The following HTT variants were observed in gnomAD, a reference collection of about 807,000 sequenced individuals.
The protein encoded by HTT is huntington disease protein.
Under a neutral mutation model 362.3 loss-of-function variants are expected in HTT, and 104 were observed. The ratio of observed to expected loss-of-function variants is 0.29; its 90% CI spans 0.24 to 0.34. The LOEUF (loss-of-function observed/expected upper bound fraction) is 0.34. HTT is among the 10% of genes least tolerant of loss of function. The pLI is 1.00. For missense variants in HTT, 3,301 were observed against 3,928.6 expected (o/e 0.84, Z 4.27); for synonymous variants, 1,577 against 1,548.7 (o/e 1.02, Z -0.43).
chr4:3,166,814 G>A (rs1296483266), intron 29 of HTT, among the ~76,000 whole-genome samples: 1 of 152,238 alleles, frequency 6.6e-6, no homozygotes, highest in East Asian at 1.9e-4. Context: ...ATTTGGGCAG[G>A]AGTGTACTGC....
chr4:3,140,727 A>G lies in HTT; in HGVS notation c.2945+71A>G, dbSNP rs1716304092. The G allele has an allele frequency of 7.1e-6, 10 of 1,412,338 alleles. No homozygotes were observed. In the South Asian group the frequency reaches 1.0e-4, roughly 14 times the overall value. 87.5% of individuals were successfully genotyped at this position (1,412,338 alleles called of 1,614,324 possible). On this transcript the variant is annotated intron_variant, in intron 22 of 66. Transcript: ENST00000355072. ...TTCCTGATGCCTTTCTTTAGGCTTT[A>G]ATTGAAAACATTTTATTTTCTAGAA... is the stretch of plus-strand genomic sequence containing the variant.
chr4:3,230,483 G>A (rs1020532013), intron 60 of HTT, among the ~76,000 whole-genome samples: 18 of 152,340 alleles, frequency 1.2e-4, no homozygotes, highest in African/African-American at 4.1e-4. Flanking sequence ...TCTCCTGGGG[G>A]CCGTTTTGTC....
At position 3,116,091 on chromosome 4, in the gene HTT, T is replaced by C. The variant is rs769192449; in HGVS notation, c.896T>C (p.Leu299Pro). The part of the protein sequence containing the change: ...SWLLNVLLGL[L>P]VPVEDEHSTL... ...CTTGCTTCCACCCCCACAGGCTTAC[T>C]CGTTCCTGTCGAGGATGAACACTCC... Residue 299 changes from leucine (L) to proline (P), a missense_variant, in exon 8 of 67, where the codon CTC becomes CCC. By Grantham distance (98) the Leu-to-Pro change is moderately conservative. Around this residue, in one of 4 missense-constraint regions of HTT, gnomAD observed 2,316 missense variants for 2,658.5 expected, o/e 0.87. Transcript: ENST00000355072. 3.1e-6 allele frequency: 5 copies of C among 1,609,236 alleles called. No homozygotes were observed. Among genetic ancestry groups the C allele is most frequent in the Middle Eastern group, 2.0e-4 (1 of 4,930 alleles).
Position 3,154,284 on chromosome 4 carries a change from CT to C in HTT, c.3499-8del, listed in dbSNP as rs1717040281. The C allele has an allele frequency of 6.5e-7, 1 of 1,534,654 alleles. No homozygotes were observed. The highest frequency in any genetic ancestry group is 8.7e-7 in the Non-Finnish European group (1 of 1,145,168). ...TTTTTTGTTTTTTGTTTTTGTTTTT[CT>C]ATTTTAGGCAGCCTTGCCTTCTCTA... On this transcript the variant is annotated splice_polypyrimidine_tract_variant and splice_region_variant and intron_variant, in intron 26 of 66. Transcript: ENST00000355072.
In HTT at chr4:3,142,801, C is replaced by G. The variant is rs190593027; in HGVS notation, c.2981C>G (p.Thr994Arg). The G allele has an allele frequency of 1.1e-3, 1,721 of 1,575,366 alleles. 6 individuals carry two copies. The highest frequency in any genetic ancestry group is 1.7e-3 in the South Asian group (153 of 90,216). ...YRGYNLLPSI[T>R]DVTMENNLSR... ...GGCTATAACCTACTACCAAGCATAA[C>G]AGACGTCACTATGGAAAATAACCTT... Residue 994 changes from threonine (T) to arginine (R), a missense_variant, in exon 23 of 67, where the codon ACA (threonine) becomes AGA (arginine). Thr to Arg is a moderately conservative substitution (Grantham distance 71, BLOSUM62 -1). Coordinates refer to ENST00000355072, the MANE Select transcript of HTT (RefSeq NM_001388492.1).
At chr4:3,077,258 A>G (rs1560536557) in intron 1 of HTT, among the ~76,000 whole-genome samples, 2 of 152,148 alleles carry the variant, frequency 1.3e-5, no homozygotes, top group African/African-American at 4.8e-5. Context: ...CAAAAGGGCA[A>G]TAATTAAAAT....
At chr4:3,086,634 G>A (rs1456161823) in intron 1 of HTT, among the ~76,000 whole-genome samples, 3 of 152,160 alleles carry the variant, frequency 2.0e-5, no homozygotes, top group Admixed American at 6.6e-5. Context: ...TTGTGCTATC[G>A]TACTCCAGCC....
At chr4:3,164,550 G>A (rs1055330278) in intron 29 of HTT, among the ~76,000 whole-genome samples, 9 of 151,324 alleles carry the variant, frequency 5.9e-5, no homozygotes. Flanking sequence ...ACTATTACCG[G>A]GTGGGAGTCT....
At chr4:3,161,237 C>CA (rs1187777900) in intron 29 of HTT, among the ~76,000 whole-genome samples, 6 of 152,290 alleles carry the variant, frequency 3.9e-5, no homozygotes, top group Non-Finnish European at 8.8e-5. Flanking sequence ...CATGTGCCTG[C>CA]AAAGGACATG....
chr4:3,077,600 A>G (rs1035970474), intron 1 of HTT, among the ~76,000 whole-genome samples: 1 of 151,984 alleles, frequency 6.6e-6, no homozygotes, highest in Non-Finnish European at 1.5e-5. Context: ...TTGTATTTTT[A>G]GTAGAGATGG....
Position 3,209,954 on chromosome 4 carries a change from G to T in HTT, c.6414+5G>T. The T allele has an allele frequency of 6.2e-7, 1 of 1,612,798 alleles. No individual in the cohort carries two copies. The highest frequency in any genetic ancestry group is 8.5e-7 in the Non-Finnish European group (1 of 1,179,224). On this transcript the variant is annotated splice_donor_5th_base_variant and intron_variant, in intron 47 of 66. Coordinates refer to ENST00000355072, the MANE Select transcript of HTT (RefSeq NM_001388492.1). Reference sequence around the variant, plus strand: ...AATGCCTTCATGATGAACTCGGTACGGGGGGAGCAGTGGAGGCAAGGAATC... The same window carrying T: ...AATGCCTTCATGATGAACTCGGTACTGGGGGAGCAGTGGAGGCAAGGAATC...
At chr4:3,173,860 A>T (rs973249054) in intron 31 of HTT, among the ~76,000 whole-genome samples, 1 of 151,634 alleles carries the variant, frequency 6.6e-6, no homozygotes, top group Non-Finnish European at 1.5e-5. Flanking sequence ...TTTAGTAGAG[A>T]CGGGGTTTCA....
chr4:3,109,877 T>C (rs553928928), intron 6 of HTT, among the ~76,000 whole-genome samples: 146 of 152,206 alleles, frequency 9.6e-4, no homozygotes, highest in African/African-American at 3.5e-3. Flanking sequence ...GACCCAGTGC[T>C]GGGGACGGGG....
At position 3,237,054 on chromosome 4, in the gene HTT, C is replaced by T. The variant is rs542200530; in HGVS notation, c.8891+800C>T. Among the ~76,000 whole-genome samples the T allele has an allele frequency of 3.3e-5, 5 of 152,206 alleles. No individual in the cohort carries two copies. The South Asian group carries it at 1.0e-3, about 32-fold the overall frequency. On this transcript the variant is annotated intron_variant, in intron 64 of 66. Coordinates refer to ENST00000355072, the MANE Select transcript of HTT (RefSeq NM_001388492.1). The stretch of plus-strand genomic sequence containing the variant: ...TCTGAACAGCCAAGCCTGTGCTGGT[C>T]TGTTTTCATGTTGATTTTTTTTTTT...
At chr4:3,210,904 C>CTTTTTT (rs780304223) in intron 47 of HTT, among the ~76,000 whole-genome samples, 1 of 122,732 alleles carries the variant, frequency 8.1e-6, no homozygotes, top group African/African-American at 3.2e-5. Context: ...AATTGTTTAT[C>CTTTTTT]TTTTTTTTTT....
intron 40 of HTT, among the ~76,000 whole-genome samples, chr4:3,193,157 C>T (rs903484253): frequency 1.4e-4 from 21 of 152,368 alleles, no homozygotes; most frequent in South Asian, 2.1e-4. Context: ...CCACAGAATC[C>T]TGGAGAAAGG....
At chr4:3,173,672 G>GTT (rs534371913) in intron 31 of HTT, among the ~76,000 whole-genome samples, 34 of 142,274 alleles carry the variant, frequency 2.4e-4, no homozygotes, top group African/African-American at 5.2e-4. Flanking sequence ...ACTTAAATTT[G>GTT]TTTTTTTTTT....
intron 41 of HTT, among the ~76,000 whole-genome samples, chr4:3,203,229 G>T (rs363112): frequency 6.6e-6 from 1 of 152,188 alleles, no homozygotes; most frequent in Non-Finnish European, 1.5e-5. Context: ...TAGAATTTTG[G>T]TTTTTACCAG....
intron 42 of HTT, among the ~76,000 whole-genome samples, chr4:3,205,138 G>A (rs1239993668): frequency 6.6e-6 from 1 of 152,002 alleles, no homozygotes; most frequent in Non-Finnish European, 1.5e-5. Flanking sequence ...TATTTACCAT[G>A]GAGAATTTAC....
Sources: allele counts gnomAD v4.1 joint callset (sites outside exome capture counted in the v4.1 genomes callset), GRCh38; gene constraint gnomAD v4.1.1; regional missense constraint gnomAD v4.1.1; transcripts MANE v1.5; gene names NCBI Gene and HGNC (gene_info 2026-07-23, HGNC 2026-07-21).